The following ANKS1A variants were observed in gnomAD, a reference collection of about 807,000 sequenced individuals.
The protein encoded by ANKS1A is ankyrin repeat and SAM domain-containing protein 1A.
Under a neutral mutation model 120.3 loss-of-function variants are expected in ANKS1A, and 55 were observed. The ratio of observed to expected loss-of-function variants is 0.46; its 90% confidence interval spans 0.37 to 0.57. The LOEUF (loss-of-function observed/expected upper bound fraction) is 0.57, where lower values mean the gene tolerates loss of function less well. Ranked by LOEUF, ANKS1A falls within the 20% of genes least tolerant of loss-of-function variation. The probability of loss-of-function intolerance (pLI) is 0.00; values close to 1 mark genes in which losing one functional copy is unlikely to be tolerated. For synonymous variants in ANKS1A, 590 were observed against 604.7 expected, an observed-to-expected ratio of 0.98 and a Z score of 0.36; for missense variants, 1,123 against 1,480.3, an observed-to-expected ratio of 0.76 and a Z score of 3.96.
chr6:34,911,261 G>A (rs1767894809), intron 1 of ANKS1A, among the ~76,000 whole-genome samples: 1 of 152,170 alleles, frequency 6.6e-6, no homozygotes, highest in African/African-American at 2.4e-5. Context: ...GAAAAGACAG[G>A]CCCTTCCTAC....
At chr6:35,047,779 TTA>T (rs1648865814) in intron 11 of ANKS1A, among the ~76,000 whole-genome samples, 1 of 152,234 alleles carries the variant, frequency 6.6e-6, no homozygotes, top group South Asian at 2.1e-4. Context: ...TACTTTTACA[TTA>T]GGCTGTTCTG....
At position 34,926,472 on chromosome 6, in the gene ANKS1A, AC is replaced by A. The variant is rs563179983; in HGVS notation, c.197+36877del. ...AAAATGGAAACTTTTGTATTTGGTGACCCCTTCTGACTTGTCATGCAGCTAA... is the reference window on the plus strand; with the variant it reads ...AAAATGGAAACTTTTGTATTTGGTGACCCTTCTGACTTGTCATGCAGCTAA... On this transcript the variant is annotated intron_variant, in intron 1 of 23. Transcript: ENST00000360359. Among the ~76,000 whole-genome samples the A allele has an allele frequency of 3.0e-3, 456 of 152,196 alleles. 2 individuals carry two copies. The highest frequency in any genetic ancestry group is 5.4e-3 in the Non-Finnish European group (367 of 68,012).
At chr6:35,025,618 T>G (rs990585039) in intron 11 of ANKS1A, among the ~76,000 whole-genome samples, 1 of 152,136 alleles carries the variant, frequency 6.6e-6, no homozygotes, top group Non-Finnish European at 1.5e-5. Flanking sequence ...TCTTTCTTTT[T>G]GCCTTTGCTC....
intron 1 of ANKS1A, among the ~76,000 whole-genome samples, chr6:34,962,221 G>A (rs1333228316): frequency 6.6e-6 from 1 of 152,196 alleles, no homozygotes; most frequent in Non-Finnish European, 1.5e-5. Context: ...AAGTGCTATA[G>A]AAGTTCAGGC....
chr6:34,987,337 T>G (rs967680574), intron 8 of ANKS1A, among the ~76,000 whole-genome samples: 1 of 152,240 alleles, frequency 6.6e-6, no homozygotes, highest in South Asian at 2.1e-4. Context: ...TCCATATTGT[T>G]CTTTCTAGGC....
At chr6:35,078,809 C>T (rs1422843357) in intron 14 of ANKS1A, among the ~76,000 whole-genome samples, 153 bp downstream of exon 14, 11 of 152,198 alleles carry the variant, frequency 7.2e-5, no homozygotes, top group African/African-American at 2.4e-4. Flanking sequence ...CCGGAAGGGC[C>T]GCACACAACC....
At chr6:34,924,873 A>G (rs572825840) in intron 1 of ANKS1A, among the ~76,000 whole-genome samples, 1 of 152,280 alleles carries the variant, frequency 6.6e-6, no homozygotes, top group East Asian at 1.9e-4. Context: ...CACTTGCCTC[A>G]GCCTCCCGAA....
At chr6:35,009,086 C>G (rs1262270506) in intron 10 of ANKS1A, among the ~76,000 whole-genome samples, 1 of 152,124 alleles carries the variant, frequency 6.6e-6, no homozygotes, top group Non-Finnish European at 1.5e-5. Flanking sequence ...GTTGTTGAGG[C>G]TTTTTGAATC....
Position 35,090,817 on chromosome 6 carries a change from C to T in ANKS1A, c.*2208C>T, listed in dbSNP as rs543042218. On this transcript the variant is annotated 3_prime_UTR_variant, in exon 24 of 24. Transcript: ENST00000360359. ...AGGAGCCCATTCGGGTGGGAGACTT[C>T]AGATGGGCTCAGTACCTGTCCCAGC... 919 of 985,916 alleles carry T rather than the reference C, an allele frequency of 9.3e-4. 1 individual carries two copies. The highest frequency in any genetic ancestry group is 1.1e-3 in the Non-Finnish European group (872 of 830,322). 61.1% of individuals were successfully genotyped at this position (985,916 alleles called of 1,614,324 possible).
At chr6:34,938,629 A>T (rs1158757158) in intron 1 of ANKS1A, among the ~76,000 whole-genome samples, 1 of 152,242 alleles carries the variant, frequency 6.6e-6, no homozygotes, top group East Asian at 1.9e-4. Flanking sequence ...GGATACCCAG[A>T]AATGGTCCCC....
At chr6:34,893,148 C>T (rs1007696029) in intron 1 of ANKS1A, among the ~76,000 whole-genome samples, 4 of 152,176 alleles carry the variant, frequency 2.6e-5, no homozygotes, top group African/African-American at 9.7e-5. Context: ...ATAATACTAT[C>T]TGCCTTATAG....
intron 1 of ANKS1A, among the ~76,000 whole-genome samples, chr6:34,953,724 A>G (rs1770201611): frequency 1.3e-5 from 2 of 152,128 alleles, no homozygotes; most frequent in African/African-American, 2.4e-5. Flanking sequence ...CCCTCTCCCC[A>G]TAGTGCCAGG....
At chr6:35,026,203 C>T (rs1454292531) in intron 11 of ANKS1A, among the ~76,000 whole-genome samples, 6 of 152,146 alleles carry the variant, frequency 3.9e-5, no homozygotes, top group Admixed American at 3.9e-4. Flanking sequence ...CAGTAGGATA[C>T]AGAGTGCGTG....
rs1772137229 is a variant in ANKS1A at position 34,985,327 on chromosome 6, G to A, written c.1209+49G>A. 6 of 1,571,658 alleles carry A rather than the reference G, an allele frequency of 3.8e-6. No individual in the cohort carries two copies. The South Asian group carries it at 4.7e-5, about 12-fold the overall frequency. ...TCCTGGGGGCTGTGTTGGCTGGCTGGCCCCTGAGGTGATGGGGCACGGGGA... is the reference window on the plus strand; with the variant it reads ...TCCTGGGGGCTGTGTTGGCTGGCTGACCCCTGAGGTGATGGGGCACGGGGA... On this transcript the variant is annotated intron_variant, in intron 8 of 23. Transcript: ENST00000360359.
intron 1 of ANKS1A, among the ~76,000 whole-genome samples, chr6:34,929,819 TTCTCTTTCTTTCTTTC>T (rs1420948824): frequency 7.2e-6 from 1 of 138,512 alleles, no homozygotes; most frequent in Non-Finnish European, 1.5e-5. Flanking sequence ...CTCTCTCTCT[TTCTCTTTCTTTCTTTC>T]TCTCTTTCTT....
chr6:34,983,962 GT>G (rs1335578424), intron 7 of ANKS1A, among the ~76,000 whole-genome samples: 1 of 151,684 alleles, frequency 6.6e-6, no homozygotes, highest in Non-Finnish European at 1.5e-5. Context: ...CAGCTAATTT[GT>G]TTTTGTATTT....
chr6:35,013,119 C>T (rs1242989719), intron 10 of ANKS1A, among the ~76,000 whole-genome samples: 1 of 152,046 alleles, frequency 6.6e-6, no homozygotes, highest in Non-Finnish European at 1.5e-5. Flanking sequence ...TGTATTTTTA[C>T]TTCTCTGTAA....
chr6:35,079,895 G>T lies in ANKS1A; in HGVS notation c.2511G>T (p.Pro837=), dbSNP rs565747592. 6.4e-7 allele frequency: 1 copy of T among 1,559,528 alleles called. No individual in the cohort carries two copies. Among genetic ancestry groups the T allele is most frequent in the East Asian group, 2.4e-5 (1 of 41,846 alleles). Residue 837 remains proline (P), a synonymous_variant, in exon 16 of 24, where the codon CCG becomes CCT. Transcript: ENST00000360359. ...TCGCAGACAGACCGTACGAGGAGCC[G>T]CCCCAGAAGCCCCCCAGATTCTCCC... The part of the protein sequence containing the change: ...ASLADRPYEE[P]PQKPPRFSQL...
At chr6:35,067,122 C>A (rs1449447386) in intron 13 of ANKS1A, among the ~76,000 whole-genome samples, 1 of 152,168 alleles carries the variant, frequency 6.6e-6, no homozygotes, top group Non-Finnish European at 1.5e-5. Context: ...TGCACGCAGG[C>A]CTCAGGGAGC....
Sources: allele counts gnomAD v4.1 joint callset (sites outside exome capture counted in the v4.1 genomes callset), GRCh38; gene constraint gnomAD v4.1.1; transcripts MANE v1.5; gene names NCBI Gene and HGNC (gene_info 2026-07-23, HGNC 2026-07-21).